DCP1B: variants seen among roughly 807,000 people sequenced by gnomAD.
DCP1B encodes mRNA-decapping enzyme 1B.
In DCP1B, 47 loss-of-function variants were observed where a neutral mutation model predicts 60.5. That is an observed-to-expected ratio of 0.78 (90% CI 0.61 to 0.99). DCP1B has a LOEUF of 0.99. Among genes scored for constraint, DCP1B ranks in the 50% least tolerant of loss-of-function variants. The pLI is 0.00. For missense variants in DCP1B, 725 were observed against 756.8 expected (o/e 0.96, Z 0.49); for synonymous variants, 267 against 280.3 (o/e 0.95, Z 0.47).
chr12:2,001,087 T>G (rs1266846884), intron 1 of DCP1B, among the ~76,000 whole-genome samples: 1 of 152,134 alleles, frequency 6.6e-6, no homozygotes, highest in Non-Finnish European at 1.5e-5. Flanking sequence ...TCAGATCTTT[T>G]GATGAAAAAA....
chr12:1,984,165 T>C (rs2036959691), intron 3 of DCP1B, among the ~76,000 whole-genome samples: 1 of 152,104 alleles, frequency 6.6e-6, no homozygotes, highest in African/African-American at 2.4e-5. Flanking sequence ...AGTTAGGCCA[T>C]GCTTTTTTAA....
intron 3 of DCP1B, among the ~76,000 whole-genome samples, chr12:1,976,811 C>A (rs1432889442): frequency 8.0e-6 from 1 of 124,666 alleles, no homozygotes; most frequent in Non-Finnish European, 1.6e-5. Flanking sequence ...ATGTCTGGCA[C>A]ACAGCAGTCA....
chr12:1,965,833 A>G (rs2031276603), intron 4 of DCP1B, 140 bp from the exon 5 acceptor site: 2 of 1,148,120 alleles, frequency 1.7e-6, no homozygotes, highest in South Asian at 3.7e-5. Flanking sequence ...AATTTAAAGG[A>G]GAAAAATGAG....
downstream of DCP1B, among the ~76,000 whole-genome samples, chr12:1,944,854 C>T (rs901620705): frequency 1.8e-4 from 27 of 152,288 alleles, no homozygotes; most frequent in African/African-American, 3.1e-4. Flanking sequence ...TAGGCAATAC[C>T]GTTCAGGACA....
At chr12:1,985,107 G>C (rs375856111) in intron 3 of DCP1B, among the ~76,000 whole-genome samples, 1 of 151,410 alleles carries the variant, frequency 6.6e-6, no homozygotes, top group Non-Finnish European at 1.5e-5. Context: ...GGTTTTCTTT[G>C]GGTTTATTCT....
At chr12:1,955,159 T>C (rs2030836664) in intron 6 of DCP1B, among the ~76,000 whole-genome samples, 1 of 152,206 alleles carries the variant, frequency 6.6e-6, no homozygotes, top group Non-Finnish European at 1.5e-5. Context: ...GCTGGCTTGT[T>C]GTTTTTTAAA....
intron 7 of DCP1B, chr12:1,950,371 G>A (rs1479793375): frequency 2.4e-5 from 17 of 702,268 alleles, no homozygotes; most frequent in Non-Finnish European, 3.9e-5. Flanking sequence ...CTTGATATTT[G>A]TGAGTACTGA....
intron 3 of DCP1B, among the ~76,000 whole-genome samples, chr12:1,986,807 T>C (rs1007589768): frequency 6.6e-6 from 1 of 152,222 alleles, no homozygotes; most frequent in African/African-American, 2.4e-5. Flanking sequence ...GTGTGTCTGT[T>C]GTCATTTACT....
At chr12:1,949,999 T>A in intron 7 of DCP1B, 1 of 281,662 alleles carries the variant, frequency 3.6e-6, no homozygotes, top group Non-Finnish European at 6.7e-6. Context: ...CCAAGTTTTC[T>A]AACAGCCCTT....
In DCP1B at chr12:1,971,152, T is replaced by G; in HGVS notation, c.320-3242A>C. 1 of 1,289,314 alleles carries G rather than the reference T, an allele frequency of 7.8e-7. No individual in the cohort carries two copies. Among genetic ancestry groups the G allele is most frequent in the Non-Finnish European group, 1.0e-6 (1 of 988,432 alleles). The allele number at this position is 1,289,314 out of a possible 1,614,324, so 79.9% of individuals were successfully genotyped here. On this transcript the variant is annotated intron_variant, in intron 3 of 8. Transcript: ENST00000280665. The surrounding 1 kb of genome is among the most constrained non-coding windows in gnomAD (Gnocchi z 4.2). ...CCAACACGGAGGTCAAGTTTAAGGG[T>G]ACTTTGGTGCATGAAGCTCAACTCA...
intron 2 of DCP1B, among the ~76,000 whole-genome samples, chr12:1,995,986 C>T (rs1171361138): frequency 2.0e-5 from 3 of 152,192 alleles, no homozygotes; most frequent in Non-Finnish European, 4.4e-5. Context: ...ACATTCTTGA[C>T]CTCCTGTCTT....
chr12:2,000,180 A>G (rs1335053799), intron 1 of DCP1B, among the ~76,000 whole-genome samples: 1 of 152,236 alleles, frequency 6.6e-6, no homozygotes. Context: ...CAAGTCCACA[A>G]AGCATTTAAA....
At chr12:1,950,400 C>T (rs2030621875) in intron 7 of DCP1B, 3 of 702,326 alleles carry the variant, frequency 4.3e-6, no homozygotes, top group African/African-American at 1.7e-5. Context: ...GGGAGTTGTA[C>T]ATCAGAAATT....
At chr12:1,990,301 CTAACTT>C (rs1439347873) in intron 3 of DCP1B, among the ~76,000 whole-genome samples, 1 of 152,176 alleles carries the variant, frequency 6.6e-6, no homozygotes, top group East Asian at 1.9e-4. Flanking sequence ...AATGTTTGCC[CTAACTT>C]TAACAGCTAT....
chr12:1,955,673 T>C, intron 5 of DCP1B, 113 bp from the exon 6 acceptor site: 1 of 1,222,246 alleles, frequency 8.2e-7, no homozygotes, highest in Non-Finnish European at 1.1e-6. Context: ...TTTTGATAGA[T>C]TTTCATGCAC....
chr12:1,989,042 T>G (rs2429121), intron 3 of DCP1B, among the ~76,000 whole-genome samples: 2,898 of 152,350 alleles, frequency 0.019, 90 homozygotes, highest in African/African-American at 0.065. Context: ...ATTGCAATCC[T>G]ATAACTGTGG....
chr12:1,989,901 G>C (rs577064062), intron 3 of DCP1B, among the ~76,000 whole-genome samples: 48 of 152,298 alleles, frequency 3.2e-4, no homozygotes, highest in South Asian at 2.3e-3. Flanking sequence ...TGTTAAATTA[G>C]TTTTTAATCT....
rs1437345413 is a variant in DCP1B at position 1,962,291 on chromosome 12, G to C, written c.522+3267C>G. On this transcript the variant is annotated intron_variant, in intron 5 of 8. Transcript: ENST00000280665. This position sits in a 1 kb window ranked among gnomAD's most constrained non-coding sequence, Gnocchi z 4.4. Reference sequence around the variant, plus strand: ...GGATTGGTTAGTGTGCATATTAAAGGCGTGCTCCTGGCCAAGCCCTTTGCT... The same window carrying C: ...GGATTGGTTAGTGTGCATATTAAAGCCGTGCTCCTGGCCAAGCCCTTTGCT... Among the ~76,000 whole-genome samples the C allele has an allele frequency of 6.6e-6, 1 of 152,132 alleles. No individual in the cohort carries two copies. The highest frequency in any genetic ancestry group is 1.5e-5 in the Non-Finnish European group (1 of 68,016).
intron 2 of DCP1B, among the ~76,000 whole-genome samples, chr12:1,996,105 AATCCCAACTCTC>A (rs1393930366): frequency 6.6e-6 from 1 of 152,094 alleles, no homozygotes; most frequent in Non-Finnish European, 1.5e-5. Flanking sequence ...CTATTATTCT[AATCCCAACTCTC>A]ATCATTTCAT....
Sources: allele counts gnomAD v4.1 joint callset (sites outside exome capture counted in the v4.1 genomes callset), GRCh38; gene constraint gnomAD v4.1.1; non-coding constraint Gnocchi (gnomAD v3.1); transcripts MANE v1.5; gene names NCBI Gene and HGNC (gene_info 2026-07-23, HGNC 2026-07-21).